ARL10: variants seen among roughly 807,000 people sequenced by gnomAD.
The protein encoded by ARL10 is ARF like GTPase 10, also known as ADP-ribosylation factor-like protein 10.
Under a neutral mutation model 26.1 loss-of-function variants are expected in ARL10, and 23 were observed. The ratio of observed to expected loss-of-function variants is 0.88; its 90% CI spans 0.63 to 1.25. ARL10 has a LOEUF of 1.25. Among genes scored for constraint, ARL10 ranks in the 50% most tolerant of loss-of-function variants. The pLI is 0.00. For missense variants in ARL10, 300 were observed against 323.6 expected (o/e 0.93, Z 0.56); for synonymous variants, 138 against 149.1 (o/e 0.93, Z 0.54).
the ARL10 span, among the ~76,000 whole-genome samples, chr5:176,413,152 C>T: frequency 1.3e-5 from 2 of 152,078 alleles, no homozygotes; most frequent in African/African-American, 4.8e-5. Flanking sequence ...TCTCCACCCA[C>T]CCACTGCCCA....
At position 176,379,697 on chromosome 5, in the gene ARL10, T is replaced by C. The variant is rs1755505136; in HGVS notation, c.*7802T>C. ...TCTATAATCTGAAACCGGTTCATCTTTCTTTTGCCCACAAGATTATGTGAT... is the reference window on the plus strand; with the variant it reads ...TCTATAATCTGAAACCGGTTCATCTCTCTTTTGCCCACAAGATTATGTGAT... On this transcript the variant is annotated 3_prime_UTR_variant, in exon 4 of 4. Coordinates refer to ENST00000310389, the MANE Select transcript of ARL10 (RefSeq NM_173664.6). 1 of 152,250 alleles carries C rather than the reference T, an allele frequency of 6.6e-6. No individual in the cohort carries two copies. Among genetic ancestry groups the C allele is most frequent in the African/African-American group, 2.4e-5 (1 of 41,472 alleles). 9.4% of individuals were successfully genotyped at this position (152,250 alleles called of 1,614,324 possible).
chr5:176,412,142 C>T, the ARL10 span, among the ~76,000 whole-genome samples: 3 of 148,912 alleles, frequency 2.0e-5, no homozygotes, highest in South Asian at 6.4e-4. Flanking sequence ...CGCCACTGCA[C>T]TCCAGCCTGG....
rs1241786042 is a variant in ARL10, at chr5:176,377,883, C to T, written c.*5988C>T. 3 of 152,232 alleles carry T rather than the reference C, an allele frequency of 2.0e-5. No homozygotes were observed. The highest frequency in any genetic ancestry group is 7.2e-5 in the African/African-American group (3 of 41,456). The allele number at this position is 152,232 out of a possible 1,614,324, so 9.4% of individuals were successfully genotyped here. A position where few individuals can be genotyped will look rare whatever the true frequency, so the allele number is the denominator to read the frequency against. ...GATCAAGCAGTCCTCCCACCTCAGT[C>T]TCCTGAGTAGCTGGGACTACCAGTG... On this transcript the variant is annotated 3_prime_UTR_variant, in exon 4 of 4. Transcript: ENST00000310389. The surrounding 1 kb of genome is among the most constrained non-coding windows in gnomAD (Gnocchi z 4.5).
chr5:176,388,763 C>T (rs921382613), downstream of ARL10: 2 of 1,589,322 alleles, frequency 1.3e-6, no homozygotes, highest in East Asian at 2.2e-5. Context: ...CTTTCATGAC[C>T]TTCACCGGGA....
In ARL10 at chr5:176,375,639, GAGTA is replaced by G. The variant is rs1351256035; in HGVS notation, c.*3747_*3750del. 6.6e-6 allele frequency: 1 copy of G among 152,166 alleles called. No homozygotes were observed. The highest frequency in any genetic ancestry group is 2.4e-5 in the African/African-American group (1 of 41,450). 9.4% of individuals were successfully genotyped at this position (152,166 alleles called of 1,614,324 possible). ...AACAGCAAGATCTGAAGTCAGGACA[GAGTA>G]AGCAAATTATCCACAGACCTAATAT... On this transcript the variant is annotated 3_prime_UTR_variant, in exon 4 of 4. Transcript: ENST00000310389.
chr5:176,383,350 T>C (rs186535724), downstream of ARL10, among the ~76,000 whole-genome samples: 5 of 152,308 alleles, frequency 3.3e-5, no homozygotes, highest in East Asian at 9.6e-4. Flanking sequence ...CATAAGGAAA[T>C]GCCCAGGGCC....
At chr5:176,367,240 C>T (rs1040755294) in intron 2 of ARL10, among the ~76,000 whole-genome samples, 1 of 151,892 alleles carries the variant, frequency 6.6e-6, no homozygotes, top group African/African-American at 2.4e-5. Flanking sequence ...AACTCCTGAC[C>T]TCAAGTGATC....
chr5:176,411,202 G>A, the ARL10 span, among the ~76,000 whole-genome samples: 5 of 152,166 alleles, frequency 3.3e-5, no homozygotes, highest in Non-Finnish European at 7.3e-5. Flanking sequence ...GAAAGACAAC[G>A]ACTGCATGGC....
the ARL10 span, among the ~76,000 whole-genome samples, chr5:176,410,003 C>A: frequency 7.2e-5 from 11 of 152,174 alleles, no homozygotes; most frequent in Non-Finnish European, 1.6e-4. Flanking sequence ...ACCTCTCCCT[C>A]CCAAAACCAG....
downstream of ARL10, among the ~76,000 whole-genome samples, chr5:176,390,688 C>T (rs1459898120): frequency 6.6e-6 from 1 of 152,014 alleles, no homozygotes; most frequent in Non-Finnish European, 1.5e-5. Context: ...CTCAGGTAAT[C>T]CCCCAACCTC....
chr5:176,365,895 C>A, intron 1 of ARL10, 149 bp downstream of exon 1: 2 of 895,620 alleles, frequency 2.2e-6, no homozygotes, highest in Non-Finnish European at 2.9e-6. Flanking sequence ...ACAGGCCCCG[C>A]GCGGGTGGGC....
chr5:176,397,074 G>A (rs1756558611), intron 1 of ARL10, among the ~76,000 whole-genome samples: 1 of 152,170 alleles, frequency 6.6e-6, no homozygotes, highest in East Asian at 1.9e-4. Context: ...CTGTATTTGA[G>A]CTTAGTTGAA....
Position 176,371,712 on chromosome 5 carries a change from T to C in ARL10, c.562-10T>C. On this transcript the variant is annotated splice_polypyrimidine_tract_variant and intron_variant, in intron 3 of 3. Coordinates refer to ENST00000310389, the MANE Select transcript of ARL10 (RefSeq NM_173664.6). ...TGCCAGCTGTGTTCGGACTTCTGTG[T>C]CTCACCCAGGACCTGAGCGAGGCCA... 1.9e-6 allele frequency: 3 copies of C among 1,613,062 alleles called. No homozygotes were observed. In the South Asian group the frequency reaches 3.3e-5, roughly 18 times the overall value.
At chr5:176,396,480 C>T (rs770160355) in intron 1 of ARL10, 4 of 1,613,578 alleles carry the variant, frequency 2.5e-6, no homozygotes, top group South Asian at 1.1e-5. Flanking sequence ...GACACGTACA[C>T]GTAGCCGATG....
chr5:176,381,992 C>T (rs1010647484), downstream of ARL10: 7 of 152,210 alleles, frequency 4.6e-5, no homozygotes, highest in Non-Finnish European at 8.8e-5. Flanking sequence ...AGAGTGTCAC[C>T]GCTCTCTGAT....
chr5:176,384,549 G>A (rs1755681053), downstream of ARL10: 1 of 637,388 alleles, frequency 1.6e-6, no homozygotes, highest in Non-Finnish European at 2.6e-6. Context: ...CACTCTGGGA[G>A]GCCGAGGTGG....
intron 1 of ARL10, chr5:176,397,534 C>T: frequency 1.3e-6 from 1 of 746,482 alleles, no homozygotes; most frequent in South Asian, 2.0e-5. Context: ...CCTCATGTCC[C>T]CACGGCCCCC....
intron 1 of ARL10, chr5:176,398,062 C>A: frequency 9.3e-6 from 15 of 1,610,448 alleles, no homozygotes; most frequent in Non-Finnish European, 1.3e-5. Context: ...AACACAAACA[C>A]GCAGCAGTCT....
At chr5:176,392,818 G>A (rs757930059), downstream of ARL10, 8 of 1,614,124 alleles carry the variant, frequency 5.0e-6, no homozygotes, top group Admixed American at 1.7e-5. This position sits in a 1 kb window ranked among gnomAD's most constrained non-coding sequence, Gnocchi z 5.2. Context: ...AGCACCGAGC[G>A]CAGGCGGGAC....
Sources: gnomAD v4.1 joint callset for allele counts (sites outside exome capture counted in the v4.1 genomes callset) on GRCh38, gnomAD v4.1.1 for gene constraint, Gnocchi (gnomAD v3.1) non-coding constraint, MANE v1.5 for transcripts, NCBI Gene and HGNC (gene_info 2026-07-23, HGNC 2026-07-21) for gene names.